The following PTPN14 variants were observed in gnomAD, a reference collection of about 807,000 sequenced individuals.
PTPN14 encodes tyrosine-protein phosphatase non-receptor type 14.
A neutral mutation model predicts 126.8 loss-of-function variants in PTPN14; 53 were observed. The ratio of observed to expected loss-of-function variants is 0.42; its 90% CI spans 0.34 to 0.53. The LOEUF (loss-of-function observed/expected upper bound fraction) is 0.53. Among genes scored for constraint, PTPN14 ranks in the 20% least tolerant of loss-of-function variants. PTPN14 has a pLI of 0.08. For synonymous variants in PTPN14, 630 were observed against 599.3 expected (o/e 1.05, Z -0.75); for missense variants, 1,257 against 1,552.9 (o/e 0.81, Z 3.20).
chr1:214,520,065 A>AAAAAAAAAAAATATATATATATATAT, intron 1 of PTPN14, among the ~76,000 whole-genome samples: 1 of 71,142 alleles, frequency 1.4e-5, no homozygotes, highest in East Asian at 4.8e-4. Flanking sequence ...AAAAAAAAAA[A>AAAAAAAAAAAATATATATATATATAT]ATATATATAT....
At chr1:214,428,659 A>G (rs1659731673) in intron 3 of PTPN14, among the ~76,000 whole-genome samples, 1 of 152,192 alleles carries the variant, frequency 6.6e-6, no homozygotes, top group Non-Finnish European at 1.5e-5. Context: ...CCAGATTAAG[A>G]ATGGCAAAGA....
At position 214,372,724 on chromosome 1, in the gene PTPN14, A is replaced by C. The variant is rs1393748975; in HGVS notation, c.3023T>G (p.Val1008Gly). Reference sequence around the variant, plus strand: ...CATTCCCCTTACCTCCTCTGCAGTGACCATGGCAATCACATTCACTCCCTG... The same window carrying C: ...CATTCCCCTTACCTCCTCTGCAGTGCCCATGGCAATCACATTCACTCCCTG... ...WEQGVNVIAM[V>G]TAEEEGGRTK... Residue 1008 changes from valine (V) to glycine (G), a missense_variant, in exon 16 of 19, where the codon GTC (valine) becomes GGC (glycine). Around this residue, in one of 3 missense-constraint regions of PTPN14, gnomAD observed 171 missense variants for 229.8 expected, o/e 0.74. Transcript: ENST00000366956. 1 of 1,614,154 alleles carries C rather than the reference A, an allele frequency of 6.2e-7. No individual in the cohort carries two copies. Among genetic ancestry groups the C allele is most frequent in the Admixed American group, 1.7e-5 (1 of 60,018 alleles).
chr1:214,391,004 C>G lies in PTPN14; in HGVS notation c.971G>C (p.Trp324Ser), dbSNP rs752084020. The G allele has an allele frequency of 1.3e-6, 2 of 1,583,858 alleles. No homozygotes were observed. The highest frequency in any genetic ancestry group is 1.7e-6 in the Non-Finnish European group (2 of 1,159,196). Residue 324 changes from tryptophan (W) to serine (S), a missense_variant, in exon 11 of 19, where the codon TGG becomes TCG. Physicochemically the swap from Trp to Ser is radical, Grantham distance 177. Around this residue, in one of 3 missense-constraint regions of PTPN14, gnomAD observed 1,021 missense variants for 1,183.3 expected, o/e 0.86. Transcript: ENST00000366956. The stretch of plus-strand genomic sequence containing the variant: ...TATACATACCAGAGAGGATCGGCTC[C>G]AGGTGGGCTGGCGTCTGATGGGGGG... The part of the protein sequence containing the change: ...SPPPIRRQPT[W>S]SRSSLPRQQP...
intron 3 of PTPN14, among the ~76,000 whole-genome samples, chr1:214,450,311 T>C (rs1660245802): frequency 6.6e-6 from 1 of 150,392 alleles, no homozygotes; most frequent in Non-Finnish European, 1.5e-5. Context: ...GTCTCTACCA[T>C]AAATACAAAA....
At chr1:214,448,103 T>C (rs529188161) in intron 3 of PTPN14, among the ~76,000 whole-genome samples, 52 of 152,338 alleles carry the variant, frequency 3.4e-4, no homozygotes, top group African/African-American at 1.0e-3. Flanking sequence ...AATGCAAACA[T>C]TGACAGTCAA....
intron 1 of PTPN14, chr1:214,528,644 AT>A (rs1655460163): frequency 6.6e-6 from 1 of 152,130 alleles, no homozygotes; most frequent in African/African-American, 2.4e-5. Flanking sequence ...GAACTGAGGT[AT>A]GGGGGCTGGG....
intron 1 of PTPN14, among the ~76,000 whole-genome samples, chr1:214,497,080 C>A (rs1654543080): frequency 2.0e-5 from 3 of 151,818 alleles, no homozygotes; most frequent in African/African-American, 7.3e-5. Context: ...TAGCAAACAA[C>A]AACCTGGTCT....
At chr1:214,367,712 G>C (rs1658114167) in intron 17 of PTPN14, among the ~76,000 whole-genome samples, 1 of 152,162 alleles carries the variant, frequency 6.6e-6, no homozygotes, top group African/African-American at 2.4e-5. Context: ...ACAAGCACAG[G>C]ACAGTTAGAT....
chr1:214,366,957 C>A (rs1433471975), intron 17 of PTPN14, among the ~76,000 whole-genome samples: 2 of 148,206 alleles, frequency 1.3e-5, no homozygotes, highest in South Asian at 2.2e-4. Context: ...GTACTCCAGC[C>A]TGGGTGACAG....
At chr1:214,447,735 T>C (rs1660178890) in intron 3 of PTPN14, among the ~76,000 whole-genome samples, 1 of 152,228 alleles carries the variant, frequency 6.6e-6, no homozygotes, top group Admixed American at 6.5e-5. Flanking sequence ...TGTTGCATGC[T>C]AATCCAACTC....
intron 1 of PTPN14, among the ~76,000 whole-genome samples, chr1:214,499,509 T>C (rs769785144): frequency 3.9e-5 from 6 of 152,240 alleles, no homozygotes; most frequent in African/African-American, 1.4e-4. Context: ...AACTTCTTAC[T>C]GTATGCCAAA....
chr1:214,431,236 T>C (rs777255826), intron 3 of PTPN14, among the ~76,000 whole-genome samples: 3 of 152,220 alleles, frequency 2.0e-5, no homozygotes, highest in African/African-American at 4.8e-5. Context: ...TAAGACATTA[T>C]GTATTTTTGA....
chr1:214,391,704 TA>T (rs11368443), intron 10 of PTPN14, among the ~76,000 whole-genome samples: 38 of 139,316 alleles, frequency 2.7e-4, no homozygotes, highest in Middle Eastern at 3.8e-3. Context: ...AGTGTTACCA[TA>T]AAAAAAAAAA....
chr1:214,360,326 A>G (rs1318703061), intron 18 of PTPN14, among the ~76,000 whole-genome samples: 1 of 152,196 alleles, frequency 6.6e-6, no homozygotes, highest in Non-Finnish European at 1.5e-5. Flanking sequence ...TGCCTGGGCT[A>G]GAGTGCAGTG....
At chr1:214,494,630 TAGAA>T (rs1357537564) in intron 1 of PTPN14, among the ~76,000 whole-genome samples, 1 of 152,022 alleles carries the variant, frequency 6.6e-6, no homozygotes, top group Non-Finnish European at 1.5e-5. Context: ...TTTGCAAGGG[TAGAA>T]AGAGATGACA....
At chr1:214,523,544 G>A (rs1469506991) in intron 1 of PTPN14, among the ~76,000 whole-genome samples, 2 of 152,172 alleles carry the variant, frequency 1.3e-5, no homozygotes, top group Non-Finnish European at 2.9e-5. Flanking sequence ...CTACCATCTA[G>A]GTTTGTGTAA....
At chr1:214,397,639 C>A (rs1024694126) in intron 8 of PTPN14, among the ~76,000 whole-genome samples, 2 of 152,144 alleles carry the variant, frequency 1.3e-5, no homozygotes, top group Non-Finnish European at 2.9e-5. Context: ...GACTGGAGAG[C>A]CAGTTTTCAA....
chr1:214,414,665 C>A lies in PTPN14; in HGVS notation c.406G>T (p.Asp136Tyr). Residue 136 changes from aspartate to tyrosine, a missense_variant, in exon 4 of 19, where the codon GAC (aspartate) becomes TAC (tyrosine). By Grantham distance (160) the Asp-to-Tyr change is radical. Transcript: ENST00000366956. Reference sequence around the variant, plus strand: ...AGGCCGGCTAGCCGAATCACCTGGTCCAATGTACATCGTAATCGCCCTTCA... The same window carrying A: ...AGGCCGGCTAGCCGAATCACCTGGTACAATGTACATCGTAATCGCCCTTCA... ...VLEGRLRCTL[D>Y]QVIRLAGLAV... is the part of the protein sequence containing the mutation. 6.2e-7 allele frequency: 1 copy of A among 1,614,072 alleles called. No homozygotes were observed. The highest frequency in any genetic ancestry group is 1.1e-5 in the South Asian group (1 of 91,078).
intron 5 of PTPN14, among the ~76,000 whole-genome samples, chr1:214,410,523 C>A (rs142274445): frequency 0.017 from 2,603 of 152,214 alleles, 80 homozygotes; most frequent in African/African-American, 0.059. Flanking sequence ...CACCTTTTGA[C>A]CTTGTGATCC....
Sources: gnomAD v4.1 joint callset for allele counts (sites outside exome capture counted in the v4.1 genomes callset) on GRCh38, gnomAD v4.1.1 for gene constraint, gnomAD v4.1.1 regional missense constraint, MANE v1.5 for transcripts, NCBI Gene and HGNC (gene_info 2026-07-23, HGNC 2026-07-21) for gene names.